The following KCNH6 variants were observed in gnomAD, a reference collection of about 807,000 sequenced individuals.
The protein encoded by KCNH6 is voltage-gated inwardly rectifying potassium channel KCNH6.
In KCNH6, 81 loss-of-function variants were observed where a neutral mutation model predicts 83.4. The observed-to-expected ratio is 0.97, with a 90% CI of 0.81 to 1.17. KCNH6 has a LOEUF of 1.17. Ranked by LOEUF, KCNH6 falls within the 50% of genes most tolerant of loss-of-function variation. The pLI, the probability that KCNH6 is intolerant of heterozygous loss-of-function variation, is 0.00. For synonymous variants in KCNH6, 503 were observed against 545.6 expected (o/e 0.92, Z 1.09); for missense variants, 1,203 against 1,290.5 (o/e 0.93, Z 1.04).
chr17:63,543,322 G>A (rs1598012333), intron 9 of KCNH6, among the ~76,000 whole-genome samples: 1 of 152,040 alleles, frequency 6.6e-6, no homozygotes, highest in East Asian at 1.9e-4. Flanking sequence ...GAGACTGACA[G>A]GTTAGGACTC....
intron 2 of KCNH6, among the ~76,000 whole-genome samples, chr17:63,526,390 CTTTT>C (rs11316766): frequency 8.8e-4 from 119 of 134,628 alleles, no homozygotes; most frequent in Admixed American, 1.0e-3. Context: ...TCATATAATC[CTTTT>C]TTTTTTTTTT....
chr17:63,542,346 G>A lies in KCNH6; in HGVS notation c.2060G>A (p.Arg687Gln), dbSNP rs374221331. The A allele has an allele frequency of 1.8e-5, 29 of 1,614,036 alleles. No homozygotes were observed. Among genetic ancestry groups the A allele is most frequent in the Admixed American group, 5.0e-5 (3 of 60,010 alleles). ...LTYCDLHKIQ[R>Q]ADLLEVLDMY... is the part of the protein sequence containing the mutation. Reference sequence around the variant, plus strand: ...TACTGCGACCTGCACAAGATCCAGCGGGCAGATCTGCTGGAGGTGCTGGAC... The same window carrying A: ...TACTGCGACCTGCACAAGATCCAGCAGGCAGATCTGCTGGAGGTGCTGGAC... The change falls in exon 9 of 13, where the codon CGG becomes CAG. Residue 687 changes from arginine to glutamine, a missense_variant. By Grantham distance (43) the Arg-to-Gln change is conservative (BLOSUM62 1). Transcript: ENST00000314672.
chr17:63,539,543 A>G (rs548030436), intron 8 of KCNH6, among the ~76,000 whole-genome samples: 6 of 152,244 alleles, frequency 3.9e-5, no homozygotes, highest in African/African-American at 1.4e-4. Context: ...GATCAAACTC[A>G]ATGTATCCCA....
intron 6 of KCNH6, among the ~76,000 whole-genome samples, chr17:63,537,657 G>A (rs769664395): frequency 1.3e-5 from 2 of 152,180 alleles, no homozygotes; most frequent in Middle Eastern, 3.4e-3. Context: ...GGTTGGTCTC[G>A]AACTCCTGAC....
chr17:63,543,494 C>A, intron 9 of KCNH6, 82 bp from the exon 10 acceptor site: 2 of 852,202 alleles, frequency 2.3e-6, no homozygotes, highest in Non-Finnish European at 2.0e-6. Context: ...TGTGACAGCA[C>A]CATGGGGTCA....
intron 2 of KCNH6, among the ~76,000 whole-genome samples, chr17:63,526,479 C>T (rs1309995369): frequency 1.3e-5 from 2 of 151,414 alleles, no homozygotes; most frequent in Non-Finnish European, 2.9e-5. Context: ...ATCCCAGCCT[C>T]CTGAGTAGCT....
chr17:63,532,847 G>A (rs1471634843), intron 4 of KCNH6, among the ~76,000 whole-genome samples: 1 of 152,112 alleles, frequency 6.6e-6, no homozygotes, highest in Non-Finnish European at 1.5e-5. Flanking sequence ...GGAGGAGGAG[G>A]GTGGACAGGG....
Position 63,535,271 on chromosome 17 carries a change from A to G in KCNH6, c.1102-398A>G, listed in dbSNP as rs4968593. On this transcript the variant is annotated intron_variant, in intron 5 of 12. Transcript: ENST00000314672. The surrounding 1 kb of genome is among the most constrained non-coding windows in gnomAD (Gnocchi z 4.9). The stretch of plus-strand genomic sequence containing the variant: ...TGCAGTGCCACACTCGGTTTCCCAC[A>G]TCGGCCACGCACTTCACACCTCAGT... 0.59 allele frequency among the ~76,000 whole-genome samples: 90,317 copies of G among 151,888 alleles called. 27,421 individuals are homozygous for G. The highest frequency in any genetic ancestry group is 0.73 in the Middle Eastern group (213 of 292).
At position 63,523,511 on chromosome 17, in the gene KCNH6, CG is replaced by C. The variant is rs1568061498; in HGVS notation, c.76+28del. 11 of 1,573,160 alleles carry C rather than the reference CG, an allele frequency of 7.0e-6. No homozygotes were observed. Among genetic ancestry groups the C allele is most frequent in the East Asian group, 2.4e-5 (1 of 41,162 alleles). On this transcript the variant is annotated intron_variant, in intron 1 of 12. Coordinates refer to ENST00000314672, the MANE Select transcript of KCNH6 (RefSeq NM_001278919.2). This position sits in a 1 kb window ranked among gnomAD's most constrained non-coding sequence, Gnocchi z 4.2. ...CAAAGTGAGTGTGTGTATGTTGGGG[CG>C]GGGGGACGATCTGGAGTCCTGGTTC...
At position 63,537,923 on chromosome 17, in the gene KCNH6, G is replaced by T. The variant is rs554830873; in HGVS notation, c.1502-142G>T. The T allele has an allele frequency of 3.8e-4, 292 of 762,202 alleles. No individual in the cohort carries two copies. The African/African-American group carries it at 4.6e-3, about 12-fold the overall frequency. The allele number at this position is 762,202 out of a possible 1,614,324, so 47.2% of individuals were successfully genotyped here. ...GCCTTTGTCCCGCATGTGCCCTGGCGCTGTCCTGGTCACTCCTGACTTCTC... is the reference window on the plus strand; with the variant it reads ...GCCTTTGTCCCGCATGTGCCCTGGCTCTGTCCTGGTCACTCCTGACTTCTC... On this transcript the variant is annotated intron_variant, in intron 6 of 12. Transcript: ENST00000314672.
rs539517467 is a variant in KCNH6, at chr17:63,538,954, A to T, written c.1954+292A>T. ...GCCAGTGTGACTCAGAAGCCCAGGC[A>T]GGTCTTCCTACCTTCTTGCACTCTT... On this transcript the variant is annotated intron_variant, in intron 8 of 12. Transcript: ENST00000314672. The surrounding 1 kb of genome is among the most constrained non-coding windows in gnomAD (Gnocchi z 4.0). Among the ~76,000 whole-genome samples, 89 of 152,230 alleles carry T rather than the reference A, an allele frequency of 5.8e-4. No homozygotes were observed. The highest frequency in any genetic ancestry group is 2.0e-3 in the African/African-American group (82 of 41,540).
In KCNH6 at chr17:63,538,766, CT is replaced by C; in HGVS notation, c.1954+108del. 1 of 1,253,246 alleles carries C rather than the reference CT, an allele frequency of 8.0e-7. No individual in the cohort carries two copies. The highest frequency in any genetic ancestry group is 1.5e-5 in the South Asian group (1 of 65,552). The allele number at this position is 1,253,246 out of a possible 1,614,324, so 77.6% of individuals were successfully genotyped here. A position where few individuals can be genotyped will look rare whatever the true frequency, so the allele number is the denominator to read the frequency against. ...CACCCTCTTCCTGATGAGGATTTTA[CT>C]TTTACTGGCAGCCACTTGCACAGCA... On this transcript the variant is annotated intron_variant, in intron 8 of 12. Coordinates refer to ENST00000314672, the MANE Select transcript of KCNH6 (RefSeq NM_001278919.2). The surrounding 1 kb of genome is among the most constrained non-coding windows in gnomAD (Gnocchi z 4.0).
intron 2 of KCNH6, among the ~76,000 whole-genome samples, chr17:63,527,299 G>A (rs766720514): frequency 2.6e-5 from 4 of 152,242 alleles, no homozygotes; most frequent in Non-Finnish European, 5.9e-5. Flanking sequence ...GCAGCATGCA[G>A]CGGCCACCCT....
In KCNH6 at chr17:63,545,660, T is replaced by C. The variant is rs201647314; in HGVS notation, c.2635T>C (p.Ser879Pro). ...DDCSPKHRNSSPRMPHLAVAT... is the reference protein window; with the variant it reads ...DDCSPKHRNSPPRMPHLAVAT... ...CTGTAGTCCAAAGCACAGGAACTCC[T>C]CCCCCAGGATGCCTCACCTGGCTGT... The change falls in exon 13 of 13, where the codon TCC becomes CCC. Residue 879 changes from serine to proline, a missense_variant. Ser to Pro is a moderately conservative substitution (Grantham distance 74). Coordinates refer to ENST00000314672, the MANE Select transcript of KCNH6 (RefSeq NM_001278919.2). 1.2e-6 allele frequency: 2 copies of C among 1,613,874 alleles called. No homozygotes were observed. Among genetic ancestry groups the C allele is most frequent in the East Asian group, 4.5e-5 (2 of 44,876 alleles).
intron 2 of KCNH6, among the ~76,000 whole-genome samples, chr17:63,527,857 C>T (rs2031821219): frequency 6.6e-6 from 1 of 152,174 alleles, no homozygotes; most frequent in Non-Finnish European, 1.5e-5. Flanking sequence ...TGTCTGCCTA[C>T]CCAACAGGCC....
chr17:63,526,695 A>G (rs1036448378), intron 2 of KCNH6, among the ~76,000 whole-genome samples: 1 of 151,780 alleles, frequency 6.6e-6, no homozygotes, highest in African/African-American at 2.4e-5. Flanking sequence ...AACTCCAGGG[A>G]GGTGGGAAGG....
chr17:63,544,350 C>A lies in KCNH6; in HGVS notation c.2335C>A (p.Pro779Thr). The change falls in exon 11 of 13, where the codon CCA becomes ACA. Residue 779 changes from proline (P) to threonine (T), a missense_variant. Coordinates refer to ENST00000314672, the MANE Select transcript of KCNH6 (RefSeq NM_001278919.2). The stretch of plus-strand genomic sequence containing the variant: ...CAGCCCCCAAAGCCCTCAGGAAGAC[C>A]CAGATTGCTGGCCTCTGAAGCTGGG... ...RHSPQSPQED[P>T]DCWPLKLGSR... The A allele has an allele frequency of 6.2e-7, 1 of 1,611,794 alleles. No individual in the cohort carries two copies. The highest frequency in any genetic ancestry group is 8.5e-7 in the Non-Finnish European group (1 of 1,178,954).
chr17:63,535,677 C>T lies in KCNH6; in HGVS notation c.1110C>T (p.Thr370=). 1 of 1,603,490 alleles carries T rather than the reference C, an allele frequency of 6.2e-7. No individual in the cohort carries two copies. The change falls in exon 6 of 13, where the codon ACC becomes ACT. Residue 370 remains threonine (T), a synonymous_variant. Transcript: ENST00000314672. This position sits in a 1 kb window ranked among gnomAD's most constrained non-coding sequence, Gnocchi z 4.9. ...TTTCCCTACCCCTCCAGACCACAAC[C>T]CTGATTGGGCTATTGAAGACAGCGC... ...IFRTGSDETT[T]LIGLLKTARL... is the part of the protein sequence containing the mutation.
At position 63,523,438 on chromosome 17, in the gene KCNH6, G is replaced by C. The variant is rs1173605314; in HGVS notation, c.25G>C (p.Ala9Pro). The C allele has an allele frequency of 6.2e-7, 1 of 1,602,972 alleles. No individual in the cohort carries two copies. Among genetic ancestry groups the C allele is most frequent in the South Asian group, 1.1e-5 (1 of 90,308 alleles). MPVRRGHVAPQNTYLDTII... is the reference protein window; with the variant it reads MPVRRGHVPPQNTYLDTII... ...GATGCCGGTCCGCAGGGGCCACGTC[G>C]CTCCCCAAAACACTTACCTGGACAC... Residue 9 changes from alanine to proline, a missense_variant, in exon 1 of 13, where the codon GCT becomes CCT. Coordinates refer to ENST00000314672, the MANE Select transcript of KCNH6 (RefSeq NM_001278919.2). This position sits in a 1 kb window ranked among gnomAD's most constrained non-coding sequence, Gnocchi z 4.2.
Sources: gnomAD v4.1 joint callset for allele counts (sites outside exome capture counted in the v4.1 genomes callset) on GRCh38, gnomAD v4.1.1 for gene constraint, Gnocchi (gnomAD v3.1) non-coding constraint, MANE v1.5 for transcripts, NCBI Gene and HGNC (gene_info 2026-07-23, HGNC 2026-07-21) for gene names.